Variants in PHACTR4 observed in about 807,000 individuals in gnomAD.
The protein encoded by PHACTR4 is protein phosphatase 1, regulatory subunit 124.
PHACTR4 carries 51 observed loss-of-function variants against 72.7 expected under a neutral mutation model. The observed-to-expected ratio is 0.70, with a 90% CI of 0.56 to 0.89. PHACTR4 has a LOEUF of 0.89. Ranked by LOEUF, PHACTR4 falls within the 40% of genes least tolerant of loss-of-function variation. PHACTR4 has a pLI of 0.00. For synonymous variants in PHACTR4, 255 were observed against 302.5 expected (o/e 0.84, Z 1.63); for missense variants, 731 against 861.8 (o/e 0.85, Z 1.90).
rs944036649 is a variant in PHACTR4 at position 28,498,636 on chromosome 1, A to G, written c.*2087A>G. ...ATGTGGCTTTTTTTCCCTTCACTTTAATGTTCAAGAAGTTGTGGCTATTTC... is the reference window on the plus strand; with the variant it reads ...ATGTGGCTTTTTTTCCCTTCACTTTGATGTTCAAGAAGTTGTGGCTATTTC... On this transcript the variant is annotated 3_prime_UTR_variant, in exon 14 of 14. Coordinates refer to ENST00000373839, the MANE Select transcript of PHACTR4 (RefSeq NM_001048183.3). The G allele has an allele frequency of 6.6e-6, 1 of 152,126 alleles. No homozygotes were observed. Among genetic ancestry groups the G allele is most frequent in the Non-Finnish European group, 1.5e-5 (1 of 68,018 alleles). The allele number at this position is 152,126 out of a possible 1,614,324, so 9.4% of individuals were successfully genotyped here.
chr1:28,442,057 T>A (rs1390739383), intron 2 of PHACTR4, among the ~76,000 whole-genome samples: 1 of 152,170 alleles, frequency 6.6e-6, no homozygotes, highest in Non-Finnish European at 1.5e-5. Context: ...AAACTGTTTT[T>A]TTGCTCACCA....
chr1:28,472,362 A>G (rs1186826684), intron 6 of PHACTR4, among the ~76,000 whole-genome samples: 3 of 152,172 alleles, frequency 2.0e-5, no homozygotes, highest in African/African-American at 2.4e-5. Flanking sequence ...TAAAGATGCT[A>G]TATTTTTTCC....
intron 1 of PHACTR4, among the ~76,000 whole-genome samples, chr1:28,400,793 T>C (rs1653887323): frequency 6.6e-6 from 1 of 152,124 alleles, no homozygotes; most frequent in Non-Finnish European, 1.5e-5. Context: ...TTGGCCAGGC[T>C]GGTCTCGAAC....
At chr1:28,479,168 C>T (rs182698597) in intron 8 of PHACTR4, among the ~76,000 whole-genome samples, 1 of 152,150 alleles carries the variant, frequency 6.6e-6, no homozygotes, top group Non-Finnish European at 1.5e-5. Flanking sequence ...CACCTATAAT[C>T]CCAACACTTT....
At chr1:28,448,571 T>G (rs1569985801) in intron 2 of PHACTR4, among the ~76,000 whole-genome samples, 1 of 123,926 alleles carries the variant, frequency 8.1e-6, no homozygotes, top group Admixed American at 8.9e-5. Flanking sequence ...GCTAACACAG[T>G]GAAATCCCAT....
chr1:28,483,798 CAAAAAAAAA>C, intron 9 of PHACTR4, among the ~76,000 whole-genome samples: 1 of 71,008 alleles, frequency 1.4e-5, no homozygotes, highest in South Asian at 5.6e-4. Context: ...GACTCCGTCT[CAAAAAAAAA>C]AAAAAAAAAA....
chr1:28,417,860 C>T (rs977633770), intron 2 of PHACTR4, among the ~76,000 whole-genome samples: 2 of 149,684 alleles, frequency 1.3e-5, no homozygotes, highest in African/African-American at 2.5e-5. Context: ...GCTCATGCCT[C>T]TAATCTCAGT....
intron 1 of PHACTR4, among the ~76,000 whole-genome samples, chr1:28,375,517 A>G (rs868295138): frequency 6.6e-6 from 1 of 151,498 alleles, no homozygotes; most frequent in Non-Finnish European, 1.5e-5. Context: ...CTTTGTCTCT[A>G]CAAAAAAAAA....
At chr1:28,396,845 C>CTTTTTTTTTTTTTT (rs60578939) in intron 1 of PHACTR4, among the ~76,000 whole-genome samples, 12 of 119,662 alleles carry the variant, frequency 1.0e-4, no homozygotes, top group African/African-American at 3.6e-4. Context: ...TTCTTTCTTT[C>CTTTTTTTTTTTTTT]TTTTTTTTTT....
intron 8 of PHACTR4, among the ~76,000 whole-genome samples, chr1:28,479,705 C>T (rs1000946834): frequency 1.3e-5 from 2 of 151,418 alleles, no homozygotes; most frequent in South Asian, 2.1e-4. Context: ...GCCAACATAA[C>T]GAAACCCGAA....
In PHACTR4 at chr1:28,460,140, A is replaced by G. The variant is rs563918949; in HGVS notation, c.191-72A>G. ...ACTACTTTATTCTTTTACCTGTAGA[A>G]TTAGAATGCTAAGTGTAAGGTTGAC... On this transcript the variant is annotated intron_variant, in intron 3 of 13. Coordinates refer to ENST00000373839, the MANE Select transcript of PHACTR4 (RefSeq NM_001048183.3). The G allele has an allele frequency of 1.9e-4, 191 of 988,284 alleles. 3 individuals are homozygous for G. The South Asian group carries it at 2.6e-3, about 14-fold the overall frequency. The allele number at this position is 988,284 out of a possible 1,614,324, so 61.2% of individuals were successfully genotyped here.
chr1:28,476,146 C>A lies in PHACTR4; in HGVS notation c.1461C>A (p.Ser487=), dbSNP rs761092750. The change falls in exon 8 of 14, where the codon TCC becomes TCA. Residue 487 remains serine, a synonymous_variant. Coordinates refer to ENST00000373839, the MANE Select transcript of PHACTR4 (RefSeq NM_001048183.3). ...DEEEEEQTCP[S]TFSEEMTPTS... ...AAGAAGAGGAGCAAACCTGTCCATC[C>A]ACATTCAGTGAAGAAATGACACCTA... 1 of 1,612,770 alleles carries A rather than the reference C, an allele frequency of 6.2e-7. No homozygotes were observed. Among genetic ancestry groups the A allele is most frequent in the Non-Finnish European group, 8.5e-7 (1 of 1,179,506 alleles).
intron 9 of PHACTR4, 109 bp from the exon 10 acceptor site, chr1:28,489,061 T>C (rs1660879442): frequency 2.9e-6 from 2 of 686,214 alleles, no homozygotes; most frequent in African/African-American, 1.8e-5. Context: ...TGAAAATTTG[T>C]TGATTTCTTA....
At chr1:28,376,489 CT>C (rs200449212) in intron 1 of PHACTR4, among the ~76,000 whole-genome samples, 95 of 143,478 alleles carry the variant, frequency 6.6e-4, no homozygotes, top group Middle Eastern at 3.6e-3. Flanking sequence ...CTAATTTTTT[CT>C]TTTTTTTTTT....
At chr1:28,422,383 G>T (rs72661763) in intron 2 of PHACTR4, among the ~76,000 whole-genome samples, 2,741 of 152,222 alleles carry the variant, frequency 0.018, 35 homozygotes, top group Middle Eastern at 0.11. Flanking sequence ...ATAATCTAGA[G>T]AAGACTAAGT....
intron 2 of PHACTR4, among the ~76,000 whole-genome samples, chr1:28,424,957 C>T (rs1468282372): frequency 6.6e-6 from 1 of 151,880 alleles, no homozygotes; most frequent in African/African-American, 2.4e-5. Flanking sequence ...ACCACCCCGG[C>T]TAATTTTTGT....
chr1:28,456,916 CAGATAGATAGATAGAT>C (rs67017920), intron 2 of PHACTR4, among the ~76,000 whole-genome samples: 14 of 150,768 alleles, frequency 9.3e-5, no homozygotes, highest in African/African-American at 2.4e-4. Context: ...GATAGAGAGA[CAGATAGATAGATAGAT>C]AGATAGATAG....
chr1:28,499,855 T>G lies in PHACTR4; in HGVS notation c.*3306T>G, dbSNP rs1661568853. On this transcript the variant is annotated 3_prime_UTR_variant, in exon 14 of 14. Transcript: ENST00000373839. ...ACTCAGTCTATTAGAGGTCTGGATA[T>G]AAGGTAGCCACACAATAACTCTAAC... is the stretch of plus-strand genomic sequence containing the variant. 1 of 152,150 alleles carries G rather than the reference T, an allele frequency of 6.6e-6. No homozygotes were observed. Among genetic ancestry groups the G allele is most frequent in the Non-Finnish European group, 1.5e-5 (1 of 68,032 alleles). The allele number at this position is 152,150 out of a possible 1,614,324, so 9.4% of individuals were successfully genotyped here. A position where few individuals can be genotyped will look rare whatever the true frequency, so the allele number is the denominator to read the frequency against.
chr1:28,438,318 C>A, intron 2 of PHACTR4: 1 of 1,580,968 alleles, frequency 6.3e-7, no homozygotes, highest in Non-Finnish European at 8.6e-7. Context: ...GTGGATTTAT[C>A]TTTTATGAAA....
Sources: gnomAD v4.1 joint callset for allele counts (sites outside exome capture counted in the v4.1 genomes callset) on GRCh38, gnomAD v4.1.1 for gene constraint, MANE v1.5 for transcripts, NCBI Gene and HGNC (gene_info 2026-07-23, HGNC 2026-07-21) for gene names.